EGFLAM: variants seen among roughly 807,000 people sequenced by gnomAD.
The protein encoded by EGFLAM is EGF like, fibronectin type III and laminin G domains, also known as pikachurin.
A neutral mutation model predicts 113.1 loss-of-function variants in EGFLAM; 79 were observed. The ratio of observed to expected loss-of-function variants is 0.70; its 90% CI spans 0.58 to 0.84. The LOEUF (loss-of-function observed/expected upper bound fraction) is 0.84, where lower values mean the gene tolerates loss of function less well. Among genes scored for constraint, EGFLAM ranks in the 40% least tolerant of loss-of-function variants. The pLI, the probability that EGFLAM is intolerant of heterozygous loss-of-function variation, is 0.00. For missense variants in EGFLAM, 1,265 were observed against 1,291.6 expected, an observed-to-expected ratio of 0.98 and a Z score of 0.32; for synonymous variants, 504 against 487.6, an observed-to-expected ratio of 1.03 and a Z score of -0.44.
At chr5:38,363,311 G>T (rs1055634236) in intron 5 of EGFLAM, among the ~76,000 whole-genome samples, 1 of 152,136 alleles carries the variant, frequency 6.6e-6, no homozygotes, top group Non-Finnish European at 1.5e-5. Context: ...TTAGAGCAGG[G>T]TGTTTAACTG....
intron 4 of EGFLAM, 73 bp from the exon 5 acceptor site, chr5:38,352,123 A>T: frequency 1.3e-6 from 2 of 1,597,612 alleles, no homozygotes; most frequent in Non-Finnish European, 1.7e-6. Flanking sequence ...TGAGACCACC[A>T]GCCTAGCCCA....
Position 38,312,905 on chromosome 5 carries a change from T to C in EGFLAM, c.98-24615T>C, listed in dbSNP as rs185716775. 3.3e-3 allele frequency among the ~76,000 whole-genome samples: 508 copies of C among 152,114 alleles called. 7 individuals are homozygous for C. Among genetic ancestry groups the C allele is most frequent in the African/African-American group, 0.012 (488 of 41,492 alleles). On this transcript the variant is annotated intron_variant, in intron 1 of 21. Coordinates refer to ENST00000322350, the MANE Select transcript of EGFLAM (RefSeq NM_152403.4). ...CAGTTCAAGACCAGCCTGCCCAACATGGTAAAAACCCCTCTGTAGTAAAAA... is the reference window on the plus strand; with the variant it reads ...CAGTTCAAGACCAGCCTGCCCAACACGGTAAAAACCCCTCTGTAGTAAAAA...
At chr5:38,389,629 C>G (rs1255138298) in intron 6 of EGFLAM, among the ~76,000 whole-genome samples, 1 of 152,106 alleles carries the variant, frequency 6.6e-6, no homozygotes, top group Non-Finnish European at 1.5e-5. Flanking sequence ...AAACTATTCT[C>G]AAGGTTTTGT....
intron 17 of EGFLAM, chr5:38,445,750 G>A: frequency 6.3e-7 from 1 of 1,588,058 alleles, no homozygotes; most frequent in Non-Finnish European, 8.5e-7. Flanking sequence ...CTCTGGGCTG[G>A]GGCAGGCCAA....
chr5:38,458,867 A>T (rs894176407), intron 20 of EGFLAM, among the ~76,000 whole-genome samples: 2 of 151,848 alleles, frequency 1.3e-5, no homozygotes, highest in Admixed American at 6.6e-5. Context: ...TGTAATCCTA[A>T]CTACTCGGGA....
intron 6 of EGFLAM, among the ~76,000 whole-genome samples, chr5:38,386,140 T>C (rs1579852119): frequency 6.6e-6 from 1 of 152,216 alleles, no homozygotes; most frequent in South Asian, 2.1e-4. Flanking sequence ...CATGACTATA[T>C]GTAAGGATAC....
intron 1 of EGFLAM, among the ~76,000 whole-genome samples, chr5:38,330,234 A>T (rs949397950): frequency 6.6e-6 from 1 of 151,786 alleles, no homozygotes; most frequent in Non-Finnish European, 1.5e-5. Flanking sequence ...CTGGATGTCA[A>T]TTAGGTCTCA....
intron 1 of EGFLAM, among the ~76,000 whole-genome samples, chr5:38,296,527 A>C (rs548237085): frequency 6.6e-6 from 1 of 152,286 alleles, no homozygotes; most frequent in East Asian, 1.9e-4. Flanking sequence ...AATAAGGGAA[A>C]TAGAAAATCA....
chr5:38,440,103 G>A (rs1466374174), intron 17 of EGFLAM, among the ~76,000 whole-genome samples: 1 of 152,152 alleles, frequency 6.6e-6, no homozygotes, highest in Non-Finnish European at 1.5e-5. Context: ...AGAATGTTGG[G>A]GCAGATCCCA....
At chr5:38,462,752 A>ATTTGCTT (rs1307452586) in intron 20 of EGFLAM, 156 bp from the exon 21 acceptor site, 1 of 787,264 alleles carries the variant, frequency 1.3e-6, no homozygotes, top group African/African-American at 1.7e-5. Flanking sequence ...AGGGCCACAC[A>ATTTGCTT]TTTGCTTTTT....
At chr5:38,278,145 A>G (rs1757930006) in intron 1 of EGFLAM, among the ~76,000 whole-genome samples, 1 of 152,196 alleles carries the variant, frequency 6.6e-6, no homozygotes, top group Non-Finnish European at 1.5e-5. Flanking sequence ...AAAATACACT[A>G]AAAAGCTATA....
intron 13 of EGFLAM, among the ~76,000 whole-genome samples, chr5:38,426,311 A>C (rs1316879205): frequency 1.3e-5 from 2 of 152,224 alleles, no homozygotes; most frequent in Non-Finnish European, 2.9e-5. Context: ...GCGCTCACAC[A>C]GGCAAATAAT....
chr5:38,316,678 T>C (rs1426332805), intron 1 of EGFLAM, among the ~76,000 whole-genome samples: 4 of 152,192 alleles, frequency 2.6e-5, no homozygotes, highest in Non-Finnish European at 4.4e-5. Context: ...GACACTCCAC[T>C]GCCTTCCAAA....
At chr5:38,292,159 A>G (rs911114023) in intron 1 of EGFLAM, among the ~76,000 whole-genome samples, 7 of 152,242 alleles carry the variant, frequency 4.6e-5, no homozygotes, top group African/African-American at 1.7e-4. Flanking sequence ...GTGCAGAAAC[A>G]GAATATTCCT....
At chr5:38,391,242 T>A (rs1196836748) in intron 6 of EGFLAM, among the ~76,000 whole-genome samples, 2 of 152,204 alleles carry the variant, frequency 1.3e-5, no homozygotes, top group Non-Finnish European at 2.9e-5. Context: ...TGATTCAGCC[T>A]TTCCCCTATT....
intron 11 of EGFLAM, among the ~76,000 whole-genome samples, chr5:38,413,504 G>A (rs1224210765): frequency 3.9e-5 from 6 of 151,980 alleles, no homozygotes; most frequent in Non-Finnish European, 8.8e-5. Context: ...AAAAAAGTTG[G>A]ACTGTTGGGC....
intron 13 of EGFLAM, among the ~76,000 whole-genome samples, chr5:38,426,512 C>A (rs999371517): frequency 3.9e-5 from 6 of 152,170 alleles, no homozygotes; most frequent in Non-Finnish European, 8.8e-5. Context: ...CTTTTGTGAT[C>A]TCAAATCTCA....
chr5:38,452,088 G>C (rs1244551165), intron 19 of EGFLAM, among the ~76,000 whole-genome samples: 3 of 147,700 alleles, frequency 2.0e-5, no homozygotes, highest in African/African-American at 7.5e-5. Context: ...CCAGGCCAGA[G>C]TGCAGTGGCG....
rs1178062571 is a variant in EGFLAM, at chr5:38,409,037, G to A, written c.1282G>A (p.Gly428Arg). 1.9e-6 allele frequency: 3 copies of A among 1,595,240 alleles called. No individual in the cohort carries two copies. The highest frequency in any genetic ancestry group is 2.6e-6 in the Non-Finnish European group (3 of 1,169,818). The change falls in exon 10 of 22, where the codon GGG becomes AGG. Residue 428 changes from glycine to arginine, a missense_variant. By Grantham distance (125) the Gly-to-Arg change is moderately radical. Transcript: ENST00000322350. ...AGAGGATGGCTTACTGCTCTACTGT[G>A]GGGAGAACGAACACGGGAGGGGGGA... ...EAEDGLLLYCGENEHGRGDFM... is the reference protein window; with the variant it reads ...EAEDGLLLYCRENEHGRGDFM...
Sources: allele counts gnomAD v4.1 joint callset (sites outside exome capture counted in the v4.1 genomes callset), GRCh38; gene constraint gnomAD v4.1.1; transcripts MANE v1.5; gene names NCBI Gene and HGNC (gene_info 2026-07-23, HGNC 2026-07-21).